Variants in MAP3K3 observed in about 807,000 individuals in gnomAD.
MAP3K3 encodes the protein mitogen-activated protein kinase kinase kinase 3, also known as MAP/ERK kinase kinase 3.
A neutral mutation model predicts 80.9 loss-of-function variants in MAP3K3; 12 were observed. The ratio of observed to expected loss-of-function variants is 0.15; its 90% CI spans 0.10 to 0.24. The LOEUF (loss-of-function observed/expected upper bound fraction) is 0.24. Among genes scored for constraint, MAP3K3 ranks in the 10% least tolerant of loss-of-function variants. The probability of loss-of-function intolerance (pLI) is 1.00; values close to 1 mark genes in which losing one functional copy is unlikely to be tolerated. For synonymous variants in MAP3K3, 272 were observed against 307.1 expected, an observed-to-expected ratio of 0.89 and a Z score of 1.19; for missense variants, 596 against 834.7, an observed-to-expected ratio of 0.71 and a Z score of 3.52.
intron 5 of MAP3K3, among the ~76,000 whole-genome samples, chr17:63,659,452 C>G (rs1275336550): frequency 6.6e-6 from 1 of 150,598 alleles, no homozygotes; most frequent in Non-Finnish European, 1.5e-5. Context: ...ATCCTCACCT[C>G]TAGAACAGTG....
In MAP3K3 at chr17:63,689,902, T is replaced by TAATA. The variant is rs2035548531; in HGVS notation, c.1063+167_1063+168insAATA. ...AGTGTCTGAAGCCTGGCTCCACTATTGTGTGACAAGCCTCTTCTCCTCTCT... is the reference window on the plus strand; with the variant it reads ...AGTGTCTGAAGCCTGGCTCCACTATTAATAGTGTGACAAGCCTCTTCTCCTCTCT... On this transcript the variant is annotated intron_variant, in intron 11 of 15. Coordinates refer to ENST00000361733, the MANE Select transcript of MAP3K3 (RefSeq NM_002401.5). This position sits in a 1 kb window ranked among gnomAD's most constrained non-coding sequence, Gnocchi z 4.3. 2 of 648,594 alleles carry TAATA rather than the reference T, an allele frequency of 3.1e-6. No homozygotes were observed. Among genetic ancestry groups the TAATA allele is most frequent in the African/African-American group, 1.8e-5 (1 of 54,678 alleles). The allele number at this position is 648,594 out of a possible 1,614,324, so 40.2% of individuals were successfully genotyped here. A position where few individuals can be genotyped will look rare whatever the true frequency, so the allele number is the denominator to read the frequency against.
intron 3 of MAP3K3, among the ~76,000 whole-genome samples, chr17:63,651,265 C>T (rs1306894186): frequency 6.6e-6 from 1 of 152,052 alleles, no homozygotes; most frequent in Non-Finnish European, 1.5e-5. Context: ...GGGAGGATTG[C>T]CAGAGTTCAG....
chr17:63,641,091 C>T (rs1040838282), intron 2 of MAP3K3, among the ~76,000 whole-genome samples: 8 of 152,208 alleles, frequency 5.3e-5, no homozygotes, highest in Admixed American at 4.6e-4. Flanking sequence ...TACCATTTAC[C>T]AACCACTTGT....
chr17:63,646,130 G>A, intron 3 of MAP3K3, 56 bp downstream of exon 3: 4 of 1,499,630 alleles, frequency 2.7e-6, no homozygotes, highest in Non-Finnish European at 3.7e-6. Context: ...TTCTCAGATA[G>A]CATTGAGTTC....
chr17:63,688,200 T>C, intron 8 of MAP3K3: 1 of 386,690 alleles, frequency 2.6e-6, no homozygotes, highest in Non-Finnish European at 4.7e-6. Flanking sequence ...TTTTTATTAC[T>C]GCCCTGGGCA....
chr17:63,683,205 CATT>C (rs567445752), intron 7 of MAP3K3, among the ~76,000 whole-genome samples: 20 of 152,204 alleles, frequency 1.3e-4, no homozygotes, highest in Non-Finnish European at 2.4e-4. Flanking sequence ...ACTTTTCTTT[CATT>C]ATTCAAACTA....
In MAP3K3 at chr17:63,689,970, C is replaced by G; in HGVS notation, c.1063+235C>G. ...TGTTTAAACTAGGGAAGAGCACACCCTTCATCCCTGCCATATTAAGATATT... is the reference window on the plus strand; with the variant it reads ...TGTTTAAACTAGGGAAGAGCACACCGTTCATCCCTGCCATATTAAGATATT... On this transcript the variant is annotated intron_variant, in intron 11 of 15. Transcript: ENST00000361733. This position sits in a 1 kb window ranked among gnomAD's most constrained non-coding sequence, Gnocchi z 4.3. The G allele has an allele frequency of 1.7e-6, 1 of 583,884 alleles. No individual in the cohort carries two copies. Among genetic ancestry groups the G allele is most frequent in the Non-Finnish European group, 3.0e-6 (1 of 331,452 alleles). The allele number at this position is 583,884 out of a possible 1,614,324, so 36.2% of individuals were successfully genotyped here.
chr17:63,640,729 G>A (rs927439195), intron 2 of MAP3K3, among the ~76,000 whole-genome samples: 2 of 152,154 alleles, frequency 1.3e-5, no homozygotes, highest in Non-Finnish European at 1.5e-5. Context: ...CCAGTACAAG[G>A]AGGGGGAGAA....
chr17:63,672,093 A>G (rs1224209774), intron 6 of MAP3K3, among the ~76,000 whole-genome samples: 2 of 152,030 alleles, frequency 1.3e-5, no homozygotes, highest in Non-Finnish European at 2.9e-5. Context: ...AACCAACCTG[A>G]CCAACATGGT....
chr17:63,640,567 C>T (rs1801337156), intron 2 of MAP3K3, among the ~76,000 whole-genome samples: 1 of 152,106 alleles, frequency 6.6e-6, no homozygotes, highest in South Asian at 2.1e-4. Flanking sequence ...CAGACCTGTC[C>T]TGAATAGACA....
intron 2 of MAP3K3, chr17:63,634,686 C>A: frequency 1.3e-6 from 2 of 1,590,262 alleles, no homozygotes; most frequent in Non-Finnish European, 1.7e-6. Context: ...AAATTATTAA[C>A]CTCAGTTTTT....
chr17:63,657,605 T>C (rs545573143), intron 4 of MAP3K3, among the ~76,000 whole-genome samples, 189 bp from the exon 5 acceptor site: 1 of 152,198 alleles, frequency 6.6e-6, no homozygotes, highest in South Asian at 2.1e-4. Flanking sequence ...CTACAAATTT[T>C]TGGATTGTAC....
chr17:63,642,649 C>G (rs1344368984), intron 2 of MAP3K3, among the ~76,000 whole-genome samples: 1 of 152,058 alleles, frequency 6.6e-6, no homozygotes, highest in Non-Finnish European at 1.5e-5. Context: ...CAGAGTGAGA[C>G]TCTGTCTCAA....
At chr17:63,663,606 T>C (rs2034939726) in intron 5 of MAP3K3, among the ~76,000 whole-genome samples, 1 of 152,158 alleles carries the variant, frequency 6.6e-6, no homozygotes, top group Non-Finnish European at 1.5e-5. Context: ...AAGACACGGA[T>C]TTATTCACCT....
intron 7 of MAP3K3, among the ~76,000 whole-genome samples, chr17:63,682,174 G>A (rs992610587): frequency 6.6e-6 from 1 of 152,144 alleles, no homozygotes; most frequent in Non-Finnish European, 1.5e-5. Context: ...TCCTCTCATT[G>A]TTCCTACAGG....
intron 1 of MAP3K3, among the ~76,000 whole-genome samples, chr17:63,628,383 G>A (rs374343505): frequency 1.4e-5 from 2 of 138,720 alleles, no homozygotes; most frequent in Admixed American, 7.3e-5. Flanking sequence ...TTTTTGAGAC[G>A]GAGTTTCGCT....
At chr17:63,645,353 C>T (rs978955316) in intron 2 of MAP3K3, among the ~76,000 whole-genome samples, 1 of 151,930 alleles carries the variant, frequency 6.6e-6, no homozygotes, top group Non-Finnish European at 1.5e-5. Context: ...CTGCAGTTTA[C>T]AGGCTACTCA....
chr17:63,622,702 G>T lies in MAP3K3; in HGVS notation c.-58G>T. The T allele has an allele frequency of 2.2e-6, 1 of 444,692 alleles. No homozygotes were observed. Among genetic ancestry groups the T allele is most frequent in the Non-Finnish European group, 4.4e-6 (1 of 227,926 alleles). 27.5% of individuals were successfully genotyped at this position (444,692 alleles called of 1,614,324 possible). A position where few individuals can be genotyped will look rare whatever the true frequency, so the allele number is the denominator to read the frequency against. On this transcript the variant is annotated 5_prime_UTR_variant, in exon 1 of 16. Transcript: ENST00000361733. ...CCGCCGCCCGGGCCCCCGGCATGCA[G>T]CCCCGGCTGCGGAGGTGACACTCAC...
intron 5 of MAP3K3, among the ~76,000 whole-genome samples, chr17:63,659,016 G>A (rs1458779895): frequency 2.6e-5 from 4 of 152,048 alleles, no homozygotes; most frequent in South Asian, 2.1e-4. Context: ...GATTACAGGC[G>A]TGAGCCACTG....
Sources: gnomAD v4.1 joint callset for allele counts (sites outside exome capture counted in the v4.1 genomes callset) on GRCh38, gnomAD v4.1.1 for gene constraint, Gnocchi (gnomAD v3.1) non-coding constraint, MANE v1.5 for transcripts, NCBI Gene and HGNC (gene_info 2026-07-23, HGNC 2026-07-21) for gene names.